Variants in GNAL observed in about 807,000 individuals in gnomAD.
GNAL encodes the protein G protein subunit alpha L, also known as guanine nucleotide-binding protein G(olf) subunit alpha.
Under a neutral mutation model 55.1 loss-of-function variants are expected in GNAL, and 18 were observed. The ratio of observed to expected loss-of-function variants is 0.33; its 90% confidence interval spans 0.23 to 0.48. The LOEUF (loss-of-function observed/expected upper bound fraction) is 0.48. Ranked by LOEUF, GNAL falls within the 20% of genes least tolerant of loss-of-function variation. The probability of loss-of-function intolerance (pLI) is 0.99; values close to 1 mark genes in which losing one functional copy is unlikely to be tolerated. For missense variants in GNAL, 412 were observed against 614.1 expected (o/e 0.67, Z 3.48); for synonymous variants, 253 against 237.0 (o/e 1.07, Z -0.62).
intron 5 of GNAL, chr18:11,851,773 G>C: frequency 6.2e-7 from 1 of 1,614,010 alleles, no homozygotes; most frequent in South Asian, 1.1e-5. Context: ...GATGGGCAAG[G>C]TGACCAAGTC....
At chr18:11,867,057 A>G (rs2036279611) in intron 7 of GNAL, 111 bp from the exon 8 acceptor site, 2 of 814,806 alleles carry the variant, frequency 2.5e-6, no homozygotes, top group Admixed American at 1.9e-5. Flanking sequence ...GCTTGACTCA[A>G]GACCCATGTG....
chr18:11,689,500 C>A lies in GNAL; in HGVS notation c.-64C>A. 1 of 814,584 alleles carries A rather than the reference C, an allele frequency of 1.2e-6. No individual in the cohort carries two copies. Among genetic ancestry groups the A allele is most frequent in the Non-Finnish European group, 1.6e-6 (1 of 610,286 alleles). The allele number at this position is 814,584 out of a possible 1,614,324, so 50.5% of individuals were successfully genotyped here. A position where few individuals can be genotyped will look rare whatever the true frequency, so the allele number is the denominator to read the frequency against. ...GCCGGCCTGAACTGGGCGCGGGAAC[C>A]AGGCCGCCCTCGGCGCCCAGCCTGC... On this transcript the variant is annotated 5_prime_UTR_variant, in exon 1 of 12. Transcript: ENST00000334049.
At chr18:11,720,967 G>T (rs2032079497) in intron 1 of GNAL, among the ~76,000 whole-genome samples, 1 of 152,118 alleles carries the variant, frequency 6.6e-6, no homozygotes, top group South Asian at 2.1e-4. Context: ...ATAATTTTAG[G>T]TTGAATTACT....
At chr18:11,721,889 A>AAAATAAATAAAT (rs145268603) in intron 1 of GNAL, among the ~76,000 whole-genome samples, 3 of 145,856 alleles carry the variant, frequency 2.1e-5, no homozygotes, top group African/African-American at 5.1e-5. Context: ...TCTGTCTCAA[A>AAAATAAATAAAT]AAATAAATAA....
chr18:11,842,672 A>G (rs2035645395), intron 5 of GNAL, among the ~76,000 whole-genome samples: 1 of 152,122 alleles, frequency 6.6e-6, no homozygotes, highest in Non-Finnish European at 1.5e-5. Context: ...CATCGCTGAT[A>G]TGACAGGAGG....
chr18:11,770,759 T>C (rs950412393), intron 4 of GNAL, among the ~76,000 whole-genome samples: 1 of 152,218 alleles, frequency 6.6e-6, no homozygotes, highest in Non-Finnish European at 1.5e-5. Flanking sequence ...ATGTAAGTGT[T>C]CTAATACTTT....
intron 5 of GNAL, among the ~76,000 whole-genome samples, chr18:11,842,487 TG>T (rs1282506372): frequency 1.3e-5 from 2 of 152,040 alleles, no homozygotes; most frequent in African/African-American, 4.8e-5. Flanking sequence ...CTCACCATAA[TG>T]TAGAATCAGT....
chr18:11,720,499 C>T (rs920009886), intron 1 of GNAL, among the ~76,000 whole-genome samples: 6 of 152,186 alleles, frequency 3.9e-5, no homozygotes, highest in Non-Finnish European at 5.9e-5. Flanking sequence ...TTGCAAATGT[C>T]TTTTCACTCA....
At chr18:11,693,769 C>T (rs2031325967) in intron 1 of GNAL, among the ~76,000 whole-genome samples, 1 of 145,288 alleles carries the variant, frequency 6.9e-6, no homozygotes. Flanking sequence ...TTAATCCCAA[C>T]ACTTTAGGAT....
chr18:11,773,656 T>C (rs57498102), intron 4 of GNAL, among the ~76,000 whole-genome samples: 24,804 of 152,028 alleles, frequency 0.16, 2,151 homozygotes, highest in East Asian at 0.32. Context: ...TGGTGTTGTA[T>C]GCCTGTGGTC....
At chr18:11,727,554 G>A (rs576079205) in intron 1 of GNAL, among the ~76,000 whole-genome samples, 6 of 152,268 alleles carry the variant, frequency 3.9e-5, no homozygotes, top group East Asian at 1.9e-4. Context: ...GACCCCAAAC[G>A]GAAATGATAA....
chr18:11,840,220 C>T (rs903855040), intron 5 of GNAL, among the ~76,000 whole-genome samples: 7 of 152,084 alleles, frequency 4.6e-5, no homozygotes, highest in Admixed American at 2.6e-4. Flanking sequence ...TCATTCTATT[C>T]GATATTTGTG....
chr18:11,690,479 T>C (rs1357102079), intron 1 of GNAL, among the ~76,000 whole-genome samples: 2 of 152,134 alleles, frequency 1.3e-5, no homozygotes, highest in East Asian at 3.9e-4. Context: ...TTTATTATAC[T>C]TTAAGTTTTA....
intron 5 of GNAL, chr18:11,851,470 C>A (rs963265142): frequency 1.5e-5 from 22 of 1,488,086 alleles, no homozygotes; most frequent in Non-Finnish European, 2.0e-5. Flanking sequence ...GCCTTCGGCG[C>A]GCTTCTCAGC....
chr18:11,736,152 C>T lies in GNAL; in HGVS notation c.377-16701C>T, dbSNP rs140389511. 3.2e-3 allele frequency among the ~76,000 whole-genome samples: 481 copies of T among 152,192 alleles called. 1 individual carries two copies. Among genetic ancestry groups the T allele is most frequent in the South Asian group, 0.011 (53 of 4,822 alleles). Reference sequence around the variant, plus strand: ...TGGTTCACATGTAATTCCAACACTTCGAGAGGCTGAGGCGGGAAGATTGCT... The same window carrying T: ...TGGTTCACATGTAATTCCAACACTTTGAGAGGCTGAGGCGGGAAGATTGCT... On this transcript the variant is annotated intron_variant, in intron 1 of 11. Transcript: ENST00000334049.
chr18:11,883,020 G>C lies in GNAL; in HGVS notation c.*1885G>C, dbSNP rs2036747755. On this transcript the variant is annotated 3_prime_UTR_variant, in exon 12 of 12. Coordinates refer to ENST00000334049, the MANE Select transcript of GNAL (RefSeq NM_182978.4). Reference sequence around the variant, plus strand: ...TTAAATTTTCAACAATACAAATCTAGAGAAGTGACAGCCTACATTACTTCA... The same window carrying C: ...TTAAATTTTCAACAATACAAATCTACAGAAGTGACAGCCTACATTACTTCA... 1 of 150,372 alleles carries C rather than the reference G, an allele frequency of 6.7e-6. No homozygotes were observed. Among genetic ancestry groups the C allele is most frequent in the Non-Finnish European group, 1.5e-5 (1 of 67,380 alleles). 9.3% of individuals were successfully genotyped at this position (150,372 alleles called of 1,614,324 possible). A position where few individuals can be genotyped will look rare whatever the true frequency, so the allele number is the denominator to read the frequency against.
At chr18:11,692,532 C>T (rs1285835382) in intron 1 of GNAL, among the ~76,000 whole-genome samples, 1 of 152,096 alleles carries the variant, frequency 6.6e-6, no homozygotes, top group Non-Finnish European at 1.5e-5. Context: ...CCTCGTTAAA[C>T]CATTGTTGGT....
At chr18:11,826,660 C>CT (rs1309595212) in intron 5 of GNAL, among the ~76,000 whole-genome samples, 2 of 152,094 alleles carry the variant, frequency 1.3e-5, no homozygotes, top group Admixed American at 6.6e-5. Flanking sequence ...AGCTGGTGGA[C>CT]TTAATGAGGA....
intron 5 of GNAL, among the ~76,000 whole-genome samples, chr18:11,836,273 C>T (rs1218160583): frequency 9.2e-5 from 14 of 151,856 alleles, no homozygotes; most frequent in Non-Finnish European, 1.5e-5. Context: ...ATAGAGAAAC[C>T]CTGTCTCTAT....
Sources: gnomAD v4.1 joint callset for allele counts (sites outside exome capture counted in the v4.1 genomes callset) on GRCh38, gnomAD v4.1.1 for gene constraint, MANE v1.5 for transcripts, NCBI Gene and HGNC (gene_info 2026-07-23, HGNC 2026-07-21) for gene names.